LAMA1: variants seen among roughly 807,000 people sequenced by gnomAD.
LAMA1 encodes the protein laminin subunit alpha-1.
A neutral mutation model predicts 348.7 loss-of-function variants in LAMA1; 219 were observed. That is an observed-to-expected ratio of 0.63 (90% CI 0.56 to 0.70). The LOEUF (loss-of-function observed/expected upper bound fraction) is 0.70, where lower values mean the gene tolerates loss of function less well. Among genes scored for constraint, LAMA1 ranks in the 30% least tolerant of loss-of-function variants. LAMA1 has a pLI of 0.00. For missense variants in LAMA1, 3,744 were observed against 3,888.0 expected, an observed-to-expected ratio of 0.96 and a Z score of 0.99; for synonymous variants, 1,487 against 1,491.0, an observed-to-expected ratio of 1.00 and a Z score of 0.06.
rs577400539 is a variant in LAMA1 at position 7,028,290 on chromosome 18, A to G, written c.2275-2184T>C. Among the ~76,000 whole-genome samples, 4 of 152,332 alleles carry G rather than the reference A, an allele frequency of 2.6e-5. No homozygotes were observed. In the South Asian group the frequency reaches 8.3e-4, roughly 32 times the overall value. The stretch of plus-strand genomic sequence containing the variant: ...ATAAGTTGATAGCTACAAACTCACA[A>G]ATTCTAGAAGCTCAATAAACCCCAG... On this transcript the variant is annotated intron_variant, in intron 16 of 62. Coordinates refer to ENST00000389658, the MANE Select transcript of LAMA1 (RefSeq NM_005559.4).
rs758165376 is a variant in LAMA1 at position 7,016,422 on chromosome 18, G to A, written c.2989+69C>T. On this transcript the variant is annotated intron_variant, in intron 21 of 62. Transcript: ENST00000389658. ...GGCACTTAACCAAAATTAGTTGGAA[G>A]TAGAGGGAGGGCCCAAGGAAAGCTC... 174 of 1,573,616 alleles carry A rather than the reference G, an allele frequency of 1.1e-4. No homozygotes were observed. The highest frequency in any genetic ancestry group is 1.5e-4 in the Non-Finnish European group (167 of 1,144,650).
intron 9 of LAMA1, among the ~76,000 whole-genome samples, chr18:7,040,958 T>C (rs1394933460): frequency 6.6e-6 from 1 of 152,090 alleles, no homozygotes; most frequent in Non-Finnish European, 1.5e-5. Context: ...AAAAAGGTAA[T>C]TAACGATTGC....
At chr18:7,104,707 A>C (rs574152362) in intron 1 of LAMA1, among the ~76,000 whole-genome samples, 1 of 152,372 alleles carries the variant, frequency 6.6e-6, no homozygotes, top group South Asian at 2.1e-4. Context: ...CAGGGATGGC[A>C]TGACACGGTC....
intron 3 of LAMA1, among the ~76,000 whole-genome samples, chr18:7,056,709 G>A (rs2058083520): frequency 6.6e-6 from 1 of 152,126 alleles, no homozygotes; most frequent in Non-Finnish European, 1.5e-5. Context: ...TGGAGACCGG[G>A]TTCATATGTT....
At chr18:7,080,603 G>T in intron 1 of LAMA1, 146 bp from the exon 2 acceptor site, 1 of 864,996 alleles carries the variant, frequency 1.2e-6, no homozygotes, top group Non-Finnish European at 1.9e-6. Flanking sequence ...CGTATACGCA[G>T]CATGGTTTCA....
At position 7,068,142 on chromosome 18, in the gene LAMA1, C is replaced by T. The variant is rs147203185; in HGVS notation, c.345+11833G>A. On this transcript the variant is annotated intron_variant, in intron 3 of 62. Transcript: ENST00000389658. ...TGCTGGGATTACAGGCGTGAGCCAC[C>T]GCGCCCGGCCTGCATTGTTTCTCTG... is the stretch of plus-strand genomic sequence containing the variant. Among the ~76,000 whole-genome samples, 2,624 of 152,254 alleles carry T rather than the reference C, an allele frequency of 0.017. 137 individuals carry two copies. The East Asian group carries it at 0.22, about 13-fold the overall frequency.
chr18:7,004,197 T>G (rs681641), intron 29 of LAMA1, among the ~76,000 whole-genome samples: 39,825 of 152,018 alleles, frequency 0.26, 5,624 homozygotes, highest in African/African-American at 0.36. Flanking sequence ...TATGGGAAAT[T>G]CACAGAGAAT....
At chr18:7,101,863 C>CT (rs113803188) in intron 1 of LAMA1, among the ~76,000 whole-genome samples, 84 of 140,016 alleles carry the variant, frequency 6.0e-4, no homozygotes, top group Middle Eastern at 3.7e-3. Context: ...TTTTGTAGAG[C>CT]TGGGGGGGTC....
In LAMA1 at chr18:7,013,957, C is replaced by T; in HGVS notation, c.3221G>A (p.Cys1074Tyr). The change falls in exon 23 of 63, where the codon TGC becomes TAC. Residue 1074 changes from cysteine to tyrosine, a missense_variant. Physicochemically the swap from Cys to Tyr is radical, Grantham distance 194 (BLOSUM62 -2). Around this residue, in one of 3 missense-constraint regions of LAMA1, gnomAD observed 1,529 missense variants for 1,689.4 expected, o/e 0.91. Transcript: ENST00000389658. The stretch of plus-strand genomic sequence containing the variant: ...TCTGTAACCCAAGGAACACTGATCG[C>T]AGGCCCGGCCACCAAATTTTGACTT... ...QCKSKFGGRACDQCSLGYRDF... is the reference protein window; with the variant it reads ...QCKSKFGGRAYDQCSLGYRDF... 6.2e-7 allele frequency: 1 copy of T among 1,613,944 alleles called. No homozygotes were observed. Among genetic ancestry groups the T allele is most frequent in the African/African-American group, 1.3e-5 (1 of 75,060 alleles).
At chr18:7,038,503 G>T (rs2058005723) in intron 11 of LAMA1, 1 of 418,018 alleles carries the variant, frequency 2.4e-6, no homozygotes, top group South Asian at 2.1e-5. Context: ...AGCAGCAGGG[G>T]CGGGCGGAGG....
At position 7,091,843 on chromosome 18, in the gene LAMA1, C is replaced by G. The variant is rs531987247; in HGVS notation, c.62-11386G>C. The stretch of plus-strand genomic sequence containing the variant: ...AATTGTCCTTAAAAATGTCCAGTGA[C>G]CAGTACCTCCGATCAAATCATTTGG... On this transcript the variant is annotated intron_variant, in intron 1 of 62. Coordinates refer to ENST00000389658, the MANE Select transcript of LAMA1 (RefSeq NM_005559.4). Among the ~76,000 whole-genome samples the G allele has an allele frequency of 2.0e-5, 3 of 152,314 alleles. No homozygotes were observed. In the South Asian group the frequency reaches 6.2e-4, roughly 32 times the overall value.
chr18:7,063,523 G>C (rs1199123424), intron 3 of LAMA1, among the ~76,000 whole-genome samples: 1 of 152,124 alleles, frequency 6.6e-6, no homozygotes, highest in African/African-American at 2.4e-5. Flanking sequence ...AGAAGAGAAA[G>C]CAGGGACTCG....
chr18:7,117,646 C>T lies in LAMA1; in HGVS notation c.61+14G>A, dbSNP rs766528642. The T allele has an allele frequency of 1.9e-5, 31 of 1,596,010 alleles. No individual in the cohort carries two copies. In the Admixed American group the frequency reaches 2.8e-4, roughly 15 times the overall value. On this transcript the variant is annotated intron_variant, in intron 1 of 62. Coordinates refer to ENST00000389658, the MANE Select transcript of LAMA1 (RefSeq NM_005559.4). The stretch of plus-strand genomic sequence containing the variant: ...TGCGGGGGACAGGGACCCTAGGACC[C>T]GGGCCGGGCTCACCTCTCTGCCGGC...
intron 57 of LAMA1, among the ~76,000 whole-genome samples, chr18:6,952,853 T>A (rs553754963): frequency 6.8e-6 from 1 of 147,308 alleles, no homozygotes; most frequent in Non-Finnish European, 1.5e-5. Flanking sequence ...CATGTCTGCC[T>A]GTGTCCAGCG....
intron 42 of LAMA1, among the ~76,000 whole-genome samples, chr18:6,979,462 G>T (rs1230476197): frequency 6.6e-6 from 1 of 152,194 alleles, no homozygotes; most frequent in East Asian, 1.9e-4. Context: ...GAGGCCAAGA[G>T]TTCAAGGCCA....
intron 3 of LAMA1, among the ~76,000 whole-genome samples, chr18:7,073,093 T>G (rs1452044657): frequency 6.6e-6 from 1 of 152,096 alleles, no homozygotes; most frequent in Non-Finnish European, 1.5e-5. Context: ...TACCCCCAAG[T>G]TACCTTCCTG....
chr18:7,067,461 T>C (rs922142124), intron 3 of LAMA1, among the ~76,000 whole-genome samples: 1 of 129,778 alleles, frequency 7.7e-6, no homozygotes, highest in Non-Finnish European at 1.6e-5. Flanking sequence ...GGCAAAACTC[T>C]TCCAAAGTGA....
rs76416719 is a variant in LAMA1 at position 7,002,515 on chromosome 18, A to C, written c.4261-130T>G. 5.6e-5 allele frequency: 56 copies of C among 997,662 alleles called. No individual in the cohort carries two copies. In the East Asian group the frequency reaches 9.3e-4, roughly 17 times the overall value. 61.8% of individuals were successfully genotyped at this position (997,662 alleles called of 1,614,324 possible). On this transcript the variant is annotated intron_variant, in intron 29 of 62. Transcript: ENST00000389658. ...TTAAAAATATTCTTCAGGAAAGGGG[A>C]GCATTTTCCTCCATATTCTTAAAAT...
At chr18:7,094,398 G>A (rs901361528) in intron 1 of LAMA1, among the ~76,000 whole-genome samples, 2 of 142,324 alleles carry the variant, frequency 1.4e-5, no homozygotes, top group Middle Eastern at 3.7e-3. Flanking sequence ...CTGCACTCCA[G>A]CTTGGGTGAC....
Sources: allele counts gnomAD v4.1 joint callset (sites outside exome capture counted in the v4.1 genomes callset), GRCh38; gene constraint gnomAD v4.1.1; regional missense constraint gnomAD v4.1.1; transcripts MANE v1.5; gene names NCBI Gene and HGNC (gene_info 2026-07-23, HGNC 2026-07-21).